CLSTN2: variants seen among roughly 807,000 people sequenced by gnomAD.
CLSTN2 encodes the protein calsyntenin 2.
A neutral mutation model predicts 101.2 loss-of-function variants in CLSTN2; 48 were observed. That is an observed-to-expected ratio of 0.47 (90% confidence interval 0.38 to 0.60). CLSTN2 has a LOEUF of 0.60. Among genes scored for constraint, CLSTN2 ranks in the 20% least tolerant of loss-of-function variants. The pLI is 0.00. For synonymous variants in CLSTN2, 481 were observed against 463.6 expected, an observed-to-expected ratio of 1.04 and a Z score of -0.48; for missense variants, 1,160 against 1,238.2, an observed-to-expected ratio of 0.94 and a Z score of 0.95.
chr3:140,051,331 TCACA>T (rs1312357984), intron 1 of CLSTN2, among the ~76,000 whole-genome samples: 1 of 152,182 alleles, frequency 6.6e-6, no homozygotes, highest in Non-Finnish European at 1.5e-5. Flanking sequence ...TGAGAAACAA[TCACA>T]CTTGGGTAAA....
chr3:140,453,637 A>G (rs12495813), intron 6 of CLSTN2, among the ~76,000 whole-genome samples: 42,522 of 152,126 alleles, frequency 0.28, 6,876 homozygotes, highest in East Asian at 0.46. Context: ...CAAAGAAGAG[A>G]TAAATATTTG....
intron 4 of CLSTN2, among the ~76,000 whole-genome samples, chr3:140,411,883 G>A (rs191169818): frequency 1.3e-3 from 194 of 152,350 alleles, no homozygotes; most frequent in African/African-American, 4.4e-3. Flanking sequence ...CAGATTCTGG[G>A]AATACATGGC....
chr3:140,420,391 ATTAG>A (rs1027194672), intron 4 of CLSTN2, among the ~76,000 whole-genome samples: 4 of 152,158 alleles, frequency 2.6e-5, no homozygotes, highest in Non-Finnish European at 5.9e-5. Flanking sequence ...TTAGGTCTTT[ATTAG>A]TTCTTTGGAA....
intron 1 of CLSTN2, among the ~76,000 whole-genome samples, chr3:140,105,926 C>A (rs906067655): frequency 1.3e-5 from 2 of 152,142 alleles, no homozygotes; most frequent in Non-Finnish European, 2.9e-5. Flanking sequence ...TGAGTAAAGC[C>A]TCCTTCAATG....
chr3:140,380,741 C>A (rs1207443036), intron 2 of CLSTN2, among the ~76,000 whole-genome samples: 4 of 152,180 alleles, frequency 2.6e-5, no homozygotes, highest in Admixed American at 1.3e-4. Context: ...CTGCTGGAAC[C>A]AATCTTTTCT....
chr3:139,940,111 A>C (rs1198142679), intron 1 of CLSTN2, among the ~76,000 whole-genome samples: 1 of 152,222 alleles, frequency 6.6e-6, no homozygotes, highest in Non-Finnish European at 1.5e-5. Context: ...CTCAAAGACC[A>C]GTGCTAGAGG....
intron 2 of CLSTN2, among the ~76,000 whole-genome samples, chr3:140,272,300 T>G (rs1346430540): frequency 6.6e-6 from 1 of 152,234 alleles, no homozygotes; most frequent in Non-Finnish European, 1.5e-5. Context: ...CGTTTGTTCC[T>G]CTTTTATGCC....
intron 9 of CLSTN2, among the ~76,000 whole-genome samples, chr3:140,537,789 C>A (rs1935387882): frequency 6.6e-6 from 1 of 152,174 alleles, no homozygotes; most frequent in African/African-American, 2.4e-5. Flanking sequence ...TACTCATAAA[C>A]AATAAAAATT....
chr3:140,404,504 G>T, intron 3 of CLSTN2, 54 bp from the exon 4 acceptor site: 1 of 1,546,338 alleles, frequency 6.5e-7, no homozygotes, highest in Admixed American at 1.7e-5. Flanking sequence ...GGTACAGGAG[G>T]TTGGTGTGAC....
intron 15 of CLSTN2, 81 bp from the exon 16 acceptor site, chr3:140,563,880 C>G (rs906856068): frequency 7.1e-7 from 1 of 1,398,748 alleles, no homozygotes; most frequent in Admixed American, 1.7e-5. Context: ...ATCCTATGCA[C>G]GGATGTTTCA....
At chr3:140,554,850 A>G (rs1204404398) in intron 10 of CLSTN2, among the ~76,000 whole-genome samples, 1 of 152,238 alleles carries the variant, frequency 6.6e-6, no homozygotes, top group Non-Finnish European at 1.5e-5. Flanking sequence ...GAGCTCCAAG[A>G]TATGAGCCAA....
chr3:140,443,759 T>C (rs1425689705), intron 5 of CLSTN2, among the ~76,000 whole-genome samples: 1 of 152,222 alleles, frequency 6.6e-6, no homozygotes, highest in Non-Finnish European at 1.5e-5. Context: ...CGAGCCTTCA[T>C]TGGAAGGTCC....
intron 1 of CLSTN2, among the ~76,000 whole-genome samples, chr3:139,956,505 A>G (rs1935404725): frequency 6.6e-6 from 1 of 152,158 alleles, no homozygotes; most frequent in African/African-American, 2.4e-5. Context: ...CTGTTCTCCA[A>G]AGGAAATTTT....
chr3:140,018,350 A>G (rs2007242694), intron 1 of CLSTN2, among the ~76,000 whole-genome samples: 1 of 152,210 alleles, frequency 6.6e-6, no homozygotes, highest in African/African-American at 2.4e-5. Context: ...AGCAGCAGCA[A>G]TATTATAGCA....
At chr3:140,387,155 T>C (rs2088062594) in intron 2 of CLSTN2, among the ~76,000 whole-genome samples, 1 of 151,998 alleles carries the variant, frequency 6.6e-6, no homozygotes, top group African/African-American at 2.4e-5. Flanking sequence ...GTGAACACAA[T>C]TGAAAATGCA....
At chr3:140,166,680 G>C (rs569963849) in intron 1 of CLSTN2, among the ~76,000 whole-genome samples, 2 of 152,132 alleles carry the variant, frequency 1.3e-5, no homozygotes, top group African/African-American at 4.8e-5. Context: ...TCTAGTTAAA[G>C]GCACATTGGG....
At chr3:140,268,469 A>G (rs965209123) in intron 2 of CLSTN2, among the ~76,000 whole-genome samples, 1 of 152,186 alleles carries the variant, frequency 6.6e-6, no homozygotes, top group East Asian at 1.9e-4. Context: ...TATGGGTGCT[A>G]TAATAGATCT....
At chr3:140,127,094 T>C (rs1437434121) in intron 1 of CLSTN2, among the ~76,000 whole-genome samples, 1 of 151,980 alleles carries the variant, frequency 6.6e-6, no homozygotes. Flanking sequence ...CTCACTTGCA[T>C]ACTAGAATAC....
intron 1 of CLSTN2, among the ~76,000 whole-genome samples, chr3:140,078,559 C>T (rs2008532471): frequency 6.6e-6 from 1 of 152,184 alleles, no homozygotes; most frequent in South Asian, 2.1e-4. Context: ...AGGTGAAAAG[C>T]TGTGCCACAG....
Sources: allele counts gnomAD v4.1 joint callset (sites outside exome capture counted in the v4.1 genomes callset), GRCh38; gene constraint gnomAD v4.1.1; transcripts MANE v1.5; gene names NCBI Gene and HGNC (gene_info 2026-07-23, HGNC 2026-07-21).